LRCH3: variants seen among roughly 807,000 people sequenced by gnomAD.
The protein encoded by LRCH3 is DISP complex protein LRCH3.
Under a neutral mutation model 104.5 loss-of-function variants are expected in LRCH3, and 68 were observed. That is an observed-to-expected ratio of 0.65 (90% confidence interval 0.54 to 0.80). LRCH3 has a LOEUF of 0.80. LRCH3 is among the 30% of genes least tolerant of loss of function. The pLI is 0.00. For synonymous variants in LRCH3, 344 were observed against 361.3 expected (o/e 0.95, Z 0.54); for missense variants, 951 against 953.9 (o/e 1.00, Z 0.04).
In LRCH3 at chr3:197,854,567, A is replaced by G. The variant is rs9867742; in HGVS notation, c.1644+122A>G. 8.2e-3 allele frequency: 7,762 copies of G among 951,352 alleles called. 409 individuals are homozygous for G. The African/African-American group carries it at 0.11, about 14-fold the overall frequency. 58.9% of individuals were successfully genotyped at this position (951,352 alleles called of 1,614,324 possible). A position where few individuals can be genotyped will look rare whatever the true frequency, so the allele number is the denominator to read the frequency against. ...ATCATTACTAAATGCTTTATGAAGA[A>G]CTAAACCATTTTCCCACATGACCAT... On this transcript the variant is annotated intron_variant, in intron 14 of 20. Transcript: ENST00000425562. The surrounding 1 kb of genome is among the most constrained non-coding windows in gnomAD (Gnocchi z 4.5).
intron 9 of LRCH3, among the ~76,000 whole-genome samples, chr3:197,836,068 A>G (rs968456877): frequency 6.6e-6 from 1 of 152,224 alleles, no homozygotes; most frequent in Non-Finnish European, 1.5e-5. Flanking sequence ...GAGGAATAAA[A>G]GAAGTCTAGG....
Position 197,811,090 on chromosome 3 carries a change from G to A in LRCH3, c.263-3818G>A, listed in dbSNP as rs955851496. ...GATGTAAACAGAAAGTCTGAAAAGCGTAACCCACTCTCATGACTCATCACG... is the reference window on the plus strand; with the variant it reads ...GATGTAAACAGAAAGTCTGAAAAGCATAACCCACTCTCATGACTCATCACG... On this transcript the variant is annotated intron_variant, in intron 1 of 20. Coordinates refer to ENST00000425562, the MANE Select transcript of LRCH3 (RefSeq NM_001365715.1). Among the ~76,000 whole-genome samples the A allele has an allele frequency of 9.9e-5, 15 of 152,262 alleles. No homozygotes were observed. The East Asian group carries it at 1.9e-3, about 20-fold the overall frequency.
At chr3:197,855,816 C>T (rs938084506) in intron 14 of LRCH3, among the ~76,000 whole-genome samples, 1 of 152,216 alleles carries the variant, frequency 6.6e-6, no homozygotes, top group Non-Finnish European at 1.5e-5. Context: ...ATATCTGATC[C>T]TCCAAATTAG....
In LRCH3 at chr3:197,861,349, A is replaced by G. The variant is rs925404852; in HGVS notation, c.1716+2444A>G. On this transcript the variant is annotated intron_variant, in intron 15 of 20. Coordinates refer to ENST00000425562, the MANE Select transcript of LRCH3 (RefSeq NM_001365715.1). ...TTCAAAATGATCTCAAGGAAGGTCC[A>G]TAACTGGCACCATTCTAGATGTATG... is the stretch of plus-strand genomic sequence containing the variant. Among the ~76,000 whole-genome samples, 4 of 152,196 alleles carry G rather than the reference A, an allele frequency of 2.6e-5. No homozygotes were observed. In the East Asian group the frequency reaches 7.7e-4, roughly 29 times the overall value.
At position 197,791,404 on chromosome 3, in the gene LRCH3, G is replaced by A; in HGVS notation, c.126G>A (p.Pro42=). 1 of 1,592,994 alleles carries A rather than the reference G, an allele frequency of 6.3e-7. No individual in the cohort carries two copies. Among genetic ancestry groups the A allele is most frequent in the Non-Finnish European group, 8.5e-7 (1 of 1,171,442 alleles). The stretch of plus-strand genomic sequence containing the variant: ...CCGGGGCAGGCCCTGGTTTTGGCCC[G>A]GGCTCGTGGAGCCGCTCTCTCGATC... ...PSSGAGPGFG[P]GSWSRSLDRA... The change falls in exon 1 of 21, where the codon CCG becomes CCA. Residue 42 remains proline (P), a synonymous_variant. Coordinates refer to ENST00000425562, the MANE Select transcript of LRCH3 (RefSeq NM_001365715.1).
In LRCH3 at chr3:197,839,536, T is replaced by G. The variant is rs867800105; in HGVS notation, c.1328+139T>G. 22 of 523,452 alleles carry G rather than the reference T, an allele frequency of 4.2e-5. 1 individual carries two copies. The Middle Eastern group carries it at 1.5e-3, about 35-fold the overall frequency. The allele number at this position is 523,452 out of a possible 1,614,324, so 32.4% of individuals were successfully genotyped here. On this transcript the variant is annotated intron_variant, in intron 10 of 20. Coordinates refer to ENST00000425562, the MANE Select transcript of LRCH3 (RefSeq NM_001365715.1). ...AGAACTGAGCGACGGTGTGCTTTTT[T>G]GTACTCATGCCATAGAAAAGGTAAA...
chr3:197,792,186 T>G (rs1273065937), intron 1 of LRCH3, among the ~76,000 whole-genome samples: 1 of 151,814 alleles, frequency 6.6e-6, no homozygotes, highest in Non-Finnish European at 1.5e-5. Context: ...TCTAGTTGAC[T>G]TACAAAATAA....
chr3:197,855,969 C>T (rs1315878140), intron 14 of LRCH3, among the ~76,000 whole-genome samples: 2 of 152,164 alleles, frequency 1.3e-5, no homozygotes, highest in Admixed American at 6.5e-5. Context: ...GAGTGAAGTC[C>T]GAACGTGGCC....
intron 17 of LRCH3, among the ~76,000 whole-genome samples, chr3:197,867,606 C>T (rs1247991814): frequency 6.6e-6 from 1 of 151,924 alleles, no homozygotes; most frequent in Non-Finnish European, 1.5e-5. Flanking sequence ...GTAATCCCAG[C>T]ACTTTGGGAG....
chr3:197,853,622 A>G (rs1014983754), intron 13 of LRCH3, among the ~76,000 whole-genome samples: 17 of 152,320 alleles, frequency 1.1e-4, no homozygotes, highest in Middle Eastern at 3.4e-3. Flanking sequence ...ACAAGCAACA[A>G]TTTTCAGTGT....
intron 9 of LRCH3, among the ~76,000 whole-genome samples, chr3:197,838,656 G>A (rs1580740969): frequency 6.6e-6 from 1 of 151,920 alleles, no homozygotes; most frequent in South Asian, 2.1e-4. Flanking sequence ...TTCAGTGCGT[G>A]GTCTGTATTT....
intron 10 of LRCH3, among the ~76,000 whole-genome samples, chr3:197,845,363 C>T (rs1738502259): frequency 7.0e-6 from 1 of 142,936 alleles, no homozygotes; most frequent in Admixed American, 7.1e-5. Flanking sequence ...GAGATCGCAC[C>T]ACTGCATTCA....
intron 1 of LRCH3, among the ~76,000 whole-genome samples, chr3:197,791,966 A>G (rs1730572628): frequency 6.6e-6 from 1 of 152,072 alleles, no homozygotes; most frequent in South Asian, 2.1e-4. Context: ...ATTGTCAGGA[A>G]GGGTCGGTCT....
chr3:197,845,074 G>A (rs78617851), intron 10 of LRCH3, among the ~76,000 whole-genome samples: 1,590 of 152,308 alleles, frequency 0.01, 14 homozygotes, highest in Non-Finnish European at 0.015. Context: ...ACAGTAATGA[G>A]ATAAAGTGGA....
intron 1 of LRCH3, among the ~76,000 whole-genome samples, chr3:197,809,458 T>C (rs573452159): frequency 2.0e-5 from 3 of 152,192 alleles, no homozygotes; most frequent in Non-Finnish European, 4.4e-5. Flanking sequence ...TTCACTTCAG[T>C]TCATTTTTCA....
intron 3 of LRCH3, among the ~76,000 whole-genome samples, chr3:197,818,003 A>G (rs997590558): frequency 2.6e-5 from 4 of 152,062 alleles, no homozygotes; most frequent in African/African-American, 9.7e-5. Flanking sequence ...TTGTATTTTT[A>G]GTAGAGACAG....
At position 197,866,222 on chromosome 3, in the gene LRCH3, AGGT is replaced by A. The variant is rs761492097; in HGVS notation, c.1873+11_1873+13del. ...TGTCAGGGCAGAAACCAACAAAGGT[AGGT>A]GGTGGTGATTTTAAAAGCCAGGAGC... On this transcript the variant is annotated splice_donor_5th_base_variant and intron_variant, in intron 17 of 20. Coordinates refer to ENST00000425562, the MANE Select transcript of LRCH3 (RefSeq NM_001365715.1). 22 of 1,609,962 alleles carry A rather than the reference AGGT, an allele frequency of 1.4e-5. No individual in the cohort carries two copies. Among genetic ancestry groups the A allele is most frequent in the Non-Finnish European group, 1.6e-5 (19 of 1,176,324 alleles).
intron 15 of LRCH3, among the ~76,000 whole-genome samples, chr3:197,860,821 C>T (rs1051585100): frequency 2.0e-5 from 3 of 152,016 alleles, no homozygotes; most frequent in African/African-American, 7.3e-5. Context: ...CCATTTTGTA[C>T]TATCAAATGC....
chr3:197,836,002 C>CA (rs1401387466), intron 9 of LRCH3, among the ~76,000 whole-genome samples, 180 bp downstream of exon 9: 1 of 152,154 alleles, frequency 6.6e-6, no homozygotes, highest in Non-Finnish European at 1.5e-5. Context: ...ACAGCAGCCT[C>CA]AAGTAGGCTT....
Sources: gnomAD v4.1 joint callset for allele counts (sites outside exome capture counted in the v4.1 genomes callset) on GRCh38, gnomAD v4.1.1 for gene constraint, Gnocchi (gnomAD v3.1) non-coding constraint, MANE v1.5 for transcripts, NCBI Gene and HGNC (gene_info 2026-07-23, HGNC 2026-07-21) for gene names.